The following CDK12 variants were observed in gnomAD, a reference collection of about 807,000 sequenced individuals.
The protein encoded by CDK12 is cyclin-dependent kinase 12.
In CDK12, 17 loss-of-function variants were observed where a neutral mutation model predicts 133.8. The observed-to-expected ratio is 0.13, with a 90% confidence interval of 0.09 to 0.19. CDK12 has a LOEUF of 0.19. Among genes scored for constraint, CDK12 ranks in the 10% least tolerant of loss-of-function variants. The probability of loss-of-function intolerance (pLI) is 1.00; values close to 1 mark genes in which losing one functional copy is unlikely to be tolerated. For synonymous variants in CDK12, 694 were observed against 683.6 expected, an observed-to-expected ratio of 1.02 and a Z score of -0.24; for missense variants, 1,508 against 1,818.7, an observed-to-expected ratio of 0.83 and a Z score of 3.11.
intron 1 of CDK12, among the ~76,000 whole-genome samples, chr17:39,541,461 G>C (rs764328329): frequency 6.0e-5 from 9 of 150,522 alleles, no homozygotes; most frequent in Non-Finnish European, 1.3e-4. Flanking sequence ...TCCGCCTCCT[G>C]GGTTCATGCC....
intron 2 of CDK12, among the ~76,000 whole-genome samples, chr17:39,555,813 G>A: frequency 6.8e-6 from 1 of 147,622 alleles, no homozygotes; most frequent in Non-Finnish European, 1.5e-5. Flanking sequence ...GGGAAACATA[G>A]TGAAACCTCA....
intron 5 of CDK12, among the ~76,000 whole-genome samples, chr17:39,499,826 T>A (rs2052591726): frequency 6.6e-6 from 1 of 152,130 alleles, no homozygotes; most frequent in South Asian, 2.1e-4. Context: ...TACTATGAAT[T>A]TCACTAATAA....
intron 2 of CDK12, among the ~76,000 whole-genome samples, chr17:39,554,233 G>C (rs2056064627): frequency 6.6e-6 from 1 of 152,188 alleles, no homozygotes; most frequent in Non-Finnish European, 1.5e-5. Context: ...AACAAGCTGT[G>C]TTATAACACC....
intron 13 of CDK12, chr17:39,530,385 T>A (rs574969512): frequency 1.9e-6 from 1 of 532,250 alleles, no homozygotes; most frequent in African/African-American, 1.9e-5. Context: ...ATTTGAAACA[T>A]ATGATATTTT....
At chr17:39,485,208 A>AG (rs1195258728) in intron 2 of CDK12, among the ~76,000 whole-genome samples, 1 of 150,018 alleles carries the variant, frequency 6.7e-6, no homozygotes, top group Non-Finnish European at 1.5e-5. Context: ...CTCTGGTTTG[A>AG]GGCATTGTGG....
intron 4 of CDK12, among the ~76,000 whole-genome samples, chr17:39,493,607 G>C (rs1389932451): frequency 6.6e-6 from 1 of 152,074 alleles, no homozygotes; most frequent in East Asian, 1.9e-4. Flanking sequence ...TTACAGGCAT[G>C]AGCCACCACG....
At chr17:39,519,524 AC>A (rs2054035912) in intron 10 of CDK12, among the ~76,000 whole-genome samples, 1 of 144,820 alleles carries the variant, frequency 6.9e-6, no homozygotes, top group African/African-American at 2.6e-5. Context: ...CAAACGATCC[AC>A]CCGCTTCAGC....
intron 3 of CDK12, among the ~76,000 whole-genome samples, chr17:39,492,528 C>A (rs1480121580): frequency 6.6e-6 from 1 of 151,602 alleles, no homozygotes; most frequent in Non-Finnish European, 1.5e-5. Flanking sequence ...CTGCCTCAGC[C>A]TCCCGAGTAG....
At chr17:39,563,845 C>T (rs1260415399) in intron 3 of CDK12, among the ~76,000 whole-genome samples, 2 of 152,170 alleles carry the variant, frequency 1.3e-5, no homozygotes, top group Non-Finnish European at 2.9e-5. Flanking sequence ...ATTCTTCTAA[C>T]ACTCTGCTTG....
intron 11 of CDK12, among the ~76,000 whole-genome samples, chr17:39,523,131 A>G (rs1270478536): frequency 2.6e-5 from 4 of 152,062 alleles, no homozygotes; most frequent in African/African-American, 9.7e-5. Flanking sequence ...ATGCCTCTGT[A>G]TTGTATTGGA....
Position 39,534,307 on chromosome 17 carries a change from G to A in CDK12, c.*2991G>A, listed in dbSNP as rs542077345. Reference sequence around the variant, plus strand: ...TATATAATATGCATATATAGTTACCGTGCTAAAATGGTTACCAGCAGGTTT... The same window carrying A: ...TATATAATATGCATATATAGTTACCATGCTAAAATGGTTACCAGCAGGTTT... On this transcript the variant is annotated 3_prime_UTR_variant, in exon 14 of 14. Transcript: ENST00000447079. 4 of 232,768 alleles carry A rather than the reference G, an allele frequency of 1.7e-5. No homozygotes were observed. Among genetic ancestry groups the A allele is most frequent in the East Asian group, 6.0e-5 (1 of 16,642 alleles). The allele number at this position is 232,768 out of a possible 1,614,324, so 14.4% of individuals were successfully genotyped here.
chr17:39,530,795 C>G lies in CDK12; in HGVS notation c.3952C>G (p.His1318Asp). 1 of 1,614,198 alleles carries G rather than the reference C, an allele frequency of 6.2e-7. No homozygotes were observed. The highest frequency in any genetic ancestry group is 1.3e-5 in the African/African-American group (1 of 75,036). Residue 1318 changes from histidine (H) to aspartate (D), a missense_variant, in exon 14 of 14, where the codon CAT becomes GAT. His to Asp is a moderately conservative substitution (Grantham distance 81). This residue lies in a region of CDK12 where 399 missense variants were observed against 469.6 expected (regional missense o/e 0.85). Coordinates refer to ENST00000447079, the MANE Select transcript of CDK12 (RefSeq NM_016507.4). ...AGCAGAGCCTCCTGGCCACCTGCCA[C>G]ATGAGCACCAGGCCTTGAGACCAAT... ...PEAEPPGHLP[H>D]EHQALRPMEY...
chr17:39,520,829 T>TTTTTTGTA (rs1197738332), intron 11 of CDK12, among the ~76,000 whole-genome samples: 1 of 152,022 alleles, frequency 6.6e-6, no homozygotes, highest in Non-Finnish European at 1.5e-5. Context: ...CCCGGCTAAT[T>TTTTTTGTA]TTTTTGTATT....
intron 6 of CDK12, among the ~76,000 whole-genome samples, chr17:39,502,043 C>T (rs764535078): frequency 6.6e-6 from 1 of 151,706 alleles, no homozygotes; most frequent in African/African-American, 2.4e-5. Context: ...TGGGGTTTCA[C>T]TATATTGGCC....
chr17:39,468,835 A>G (rs1002801964), intron 1 of CDK12, among the ~76,000 whole-genome samples: 1 of 148,954 alleles, frequency 6.7e-6, no homozygotes, highest in Non-Finnish European at 1.5e-5. Context: ...TTATTTTGAG[A>G]CAGATTTTCG....
At chr17:39,564,821 G>A (rs146729452) in exon 4 of CDK12, 1 of 152,398 alleles carries the variant, frequency 6.6e-6, no homozygotes, top group East Asian at 1.9e-4. Context: ...GGTTACAACT[G>A]AGGAAGAACT....
At chr17:39,526,377 C>G (rs993996452) in intron 13 of CDK12, 61 bp downstream of exon 13, 4 of 1,316,944 alleles carry the variant, frequency 3.0e-6, no homozygotes, top group Non-Finnish European at 4.1e-6. Flanking sequence ...TCTTAAAAAT[C>G]TCTTAACATT....
intron 6 of CDK12, among the ~76,000 whole-genome samples, chr17:39,503,300 T>G (rs1418402134): frequency 6.6e-6 from 1 of 152,172 alleles, no homozygotes; most frequent in East Asian, 1.9e-4. Flanking sequence ...CTCGAACTCC[T>G]GACCTCAAGT....
At chr17:39,523,088 T>C (rs1310303317) in intron 11 of CDK12, among the ~76,000 whole-genome samples, 1 of 152,124 alleles carries the variant, frequency 6.6e-6, no homozygotes, top group Admixed American at 6.5e-5. Flanking sequence ...ATATGATCTT[T>C]TAATATGTCT....
Sources: allele counts gnomAD v4.1 joint callset (sites outside exome capture counted in the v4.1 genomes callset), GRCh38; gene constraint gnomAD v4.1.1; regional missense constraint gnomAD v4.1.1; transcripts MANE v1.5; gene names NCBI Gene and HGNC (gene_info 2026-07-23, HGNC 2026-07-21).